The following HNRNPR variants were observed in gnomAD, a reference collection of about 807,000 sequenced individuals.
HNRNPR encodes the protein heterogeneous nuclear ribonucleoprotein R.
Under a neutral mutation model 70.3 loss-of-function variants are expected in HNRNPR, and 4 were observed. That is an observed-to-expected ratio of 0.06 (90% CI 0.03 to 0.13). The LOEUF is 0.13. HNRNPR is among the 10% of genes least tolerant of loss of function. The pLI is 1.00. For synonymous variants in HNRNPR, 241 were observed against 267.6 expected (o/e 0.90, Z 0.97); for missense variants, 423 against 788.5 (o/e 0.54, Z 5.55).
intron 7 of HNRNPR, among the ~76,000 whole-genome samples, chr1:23,321,177 A>AAAAAAAAAAC (rs1557858108): frequency 6.6e-6 from 1 of 151,380 alleles, no homozygotes; most frequent in Non-Finnish European, 1.5e-5. Context: ...AAAAAAAAAA[A>AAAAAAAAAAC]TCTGATCTAG....
intron 4 of HNRNPR, among the ~76,000 whole-genome samples, chr1:23,334,787 A>G (rs1462171026): frequency 6.6e-6 from 1 of 152,240 alleles, no homozygotes; most frequent in African/African-American, 2.4e-5. Context: ...AAAAGAAGAT[A>G]ATCTCCTTGC....
chr1:23,343,919 G>A (rs1327196653), intron 1 of HNRNPR, among the ~76,000 whole-genome samples: 3 of 152,162 alleles, frequency 2.0e-5, no homozygotes, highest in East Asian at 1.9e-4. Flanking sequence ...GGAGCAGCGA[G>A]CGGAGGCGGG....
At chr1:23,335,131 G>A (rs1408488523) in intron 4 of HNRNPR, among the ~76,000 whole-genome samples, 3 of 152,124 alleles carry the variant, frequency 2.0e-5, no homozygotes, top group Non-Finnish European at 4.4e-5. Context: ...TGTTAGCCAG[G>A]ATGGTCTCGA....
At chr1:23,313,784 G>C in intron 8 of HNRNPR, 82 bp from the exon 9 acceptor site, 1 of 1,421,314 alleles carries the variant, frequency 7.0e-7, no homozygotes. Flanking sequence ...TCATAGCATA[G>C]CTTTTCTCCT....
At chr1:23,338,033 G>A in intron 3 of HNRNPR, 172 bp from the exon 4 acceptor site, 1 of 575,468 alleles carries the variant, frequency 1.7e-6, no homozygotes, top group South Asian at 2.2e-5. Context: ...GCAGACAGCA[G>A]TAAGGCAGTA....
rs766028817 is a variant in HNRNPR at position 23,318,742 on chromosome 1, C to T, written c.812-54G>A. 3.6e-5 allele frequency: 56 copies of T among 1,560,726 alleles called. 1 individual carries two copies. The South Asian group carries it at 4.0e-4, about 11-fold the overall frequency. On this transcript the variant is annotated intron_variant, in intron 7 of 10. Coordinates refer to ENST00000302271, the MANE Select transcript of HNRNPR (RefSeq NM_005826.5). This position sits in a 1 kb window ranked among gnomAD's most constrained non-coding sequence, Gnocchi z 4.2. Reference sequence around the variant, plus strand: ...CCAAAAGCATCCACCACACATCTAGCGATTAGGCAGACCTAAATCCACTTG... The same window carrying T: ...CCAAAAGCATCCACCACACATCTAGTGATTAGGCAGACCTAAATCCACTTG...
intron 9 of HNRNPR, among the ~76,000 whole-genome samples, chr1:23,312,480 T>C (rs1645372722): frequency 1.3e-5 from 2 of 152,218 alleles, no homozygotes; most frequent in Non-Finnish European, 2.9e-5. Flanking sequence ...ATCTGCATTC[T>C]ATACCAGTGA....
chr1:23,322,855 G>A (rs944376890), intron 6 of HNRNPR, among the ~76,000 whole-genome samples: 1 of 152,320 alleles, frequency 6.6e-6, no homozygotes, highest in East Asian at 1.9e-4. Context: ...AAGATACTGA[G>A]ATAGCTGTGT....
At chr1:23,314,777 T>C (rs1170157882) in intron 8 of HNRNPR, among the ~76,000 whole-genome samples, 1 of 152,236 alleles carries the variant, frequency 6.6e-6, no homozygotes, top group African/African-American at 2.4e-5. Context: ...GAAAGGAATA[T>C]GGCAGTATCT....
rs1410375115 is a variant in HNRNPR, at chr1:23,308,168, A to T, written c.*2286T>A. 6.6e-6 allele frequency: 1 copy of T among 152,076 alleles called. No individual in the cohort carries two copies. The highest frequency in any genetic ancestry group is 1.5e-5 in the Non-Finnish European group (1 of 67,920). 9.4% of individuals were successfully genotyped at this position (152,076 alleles called of 1,614,324 possible). A position where few individuals can be genotyped will look rare whatever the true frequency, so the allele number is the denominator to read the frequency against. On this transcript the variant is annotated 3_prime_UTR_variant, in exon 11 of 11. Coordinates refer to ENST00000302271, the MANE Select transcript of HNRNPR (RefSeq NM_005826.5). ...CAAATATTAGAGGGTACCTCTGCAA[A>T]TATATTTTTAATTAGTGAAAAGGAC...
intron 5 of HNRNPR, among the ~76,000 whole-genome samples, chr1:23,331,834 T>TAAAAAAA (rs59006948): frequency 0.12 from 7,379 of 59,066 alleles, 1,232 homozygotes; most frequent in Non-Finnish European, 0.18. Context: ...ACTGTTTCTT[T>TAAAAAAA]AAAAAAAAAA....
chr1:23,310,937 A>G lies in HNRNPR; in HGVS notation c.1419T>C (p.Asp473=). The G allele has an allele frequency of 6.2e-7, 1 of 1,614,096 alleles. No individual in the cohort carries two copies. The highest frequency in any genetic ancestry group is 8.5e-7 in the Non-Finnish European group (1 of 1,180,020). The change falls in exon 11 of 11, where the codon GAT becomes GAC. Residue 473 remains aspartate, a synonymous_variant. Coordinates refer to ENST00000302271, the MANE Select transcript of HNRNPR (RefSeq NM_005826.5). The surrounding 1 kb of genome is among the most constrained non-coding windows in gnomAD (Gnocchi z 6.0). ...AGTCGTGATAATCATAACCATAGTA[A>G]TCATCATAGTAATCTTCATAGCCGT... ...DYYGYEDYYD[D]YYGYDYHDYR...
chr1:23,315,709 T>C (rs998607238), intron 8 of HNRNPR, among the ~76,000 whole-genome samples: 3 of 152,178 alleles, frequency 2.0e-5, no homozygotes, highest in Admixed American at 1.3e-4. Flanking sequence ...TAAGAAAACA[T>C]AGTACCTATC....
intron 4 of HNRNPR, among the ~76,000 whole-genome samples, chr1:23,334,593 G>A (rs1646387716): frequency 6.6e-6 from 1 of 152,026 alleles, no homozygotes; most frequent in Non-Finnish European, 1.5e-5. Flanking sequence ...CTTCTGGTTT[G>A]TACTCCTGCC....
chr1:23,313,237 A>G (rs954976805), intron 9 of HNRNPR, among the ~76,000 whole-genome samples: 5 of 152,188 alleles, frequency 3.3e-5, no homozygotes, highest in African/African-American at 1.2e-4. Flanking sequence ...GTTATAATGC[A>G]TTCATTACCT....
At position 23,306,042 on chromosome 1, in the gene HNRNPR, A is replaced by G. The variant is rs555131497; in HGVS notation, c.*4412T>C. The G allele has an allele frequency of 9.8e-5, 15 of 152,286 alleles. No individual in the cohort carries two copies. The East Asian group carries it at 2.9e-3, about 29-fold the overall frequency. 9.4% of individuals were successfully genotyped at this position (152,286 alleles called of 1,614,324 possible). Reference sequence around the variant, plus strand: ...TTAGTGTGCAATAAATATCTCTTTAAGATGCATTATATGTTAATCTATCCA... The same window carrying G: ...TTAGTGTGCAATAAATATCTCTTTAGGATGCATTATATGTTAATCTATCCA... On this transcript the variant is annotated 3_prime_UTR_variant, in exon 11 of 11. Coordinates refer to ENST00000302271, the MANE Select transcript of HNRNPR (RefSeq NM_005826.5).
intron 2 of HNRNPR, among the ~76,000 whole-genome samples, chr1:23,340,268 T>C (rs1194759526): frequency 6.6e-6 from 1 of 151,578 alleles, no homozygotes; most frequent in Non-Finnish European, 1.5e-5. Context: ...TATATTAAGA[T>C]GTTCAAATTT....
rs546072115 is a variant in HNRNPR at position 23,327,084 on chromosome 1, G to A, written c.499-3352C>T. On this transcript the variant is annotated intron_variant, in intron 5 of 10. Coordinates refer to ENST00000302271, the MANE Select transcript of HNRNPR (RefSeq NM_005826.5). Reference sequence around the variant, plus strand: ...TCTCCCCTCCTAGCCCCCACCTCCAGGTGACTGAGGAACTACTTCCATAAA... The same window carrying A: ...TCTCCCCTCCTAGCCCCCACCTCCAAGTGACTGAGGAACTACTTCCATAAA... Among the ~76,000 whole-genome samples the A allele has an allele frequency of 3.9e-5, 6 of 152,198 alleles. No individual in the cohort carries two copies. In the East Asian group the frequency reaches 1.2e-3, roughly 29 times the overall value.
chr1:23,342,535 AC>A lies in HNRNPR; in HGVS notation c.-9-1519del, dbSNP rs1403215860. Among the ~76,000 whole-genome samples, 4 of 152,336 alleles carry A rather than the reference AC, an allele frequency of 2.6e-5. No homozygotes were observed. In the South Asian group the frequency reaches 6.2e-4, roughly 24 times the overall value. On this transcript the variant is annotated intron_variant, in intron 1 of 10. Coordinates refer to ENST00000302271, the MANE Select transcript of HNRNPR (RefSeq NM_005826.5). ...AAAACGGAAACATTCGAAATGTCACACTTTTGATCAAGAAACTGTATTGTGT... is the reference window on the plus strand; with the variant it reads ...AAAACGGAAACATTCGAAATGTCACATTTTGATCAAGAAACTGTATTGTGT...
Sources: gnomAD v4.1 joint callset for allele counts (sites outside exome capture counted in the v4.1 genomes callset) on GRCh38, gnomAD v4.1.1 for gene constraint, Gnocchi (gnomAD v3.1) non-coding constraint, MANE v1.5 for transcripts, NCBI Gene and HGNC (gene_info 2026-07-23, HGNC 2026-07-21) for gene names.